The following RAB4A variants were observed in gnomAD, a reference collection of about 807,000 sequenced individuals.
The protein encoded by RAB4A is RAB4A, member RAS oncogene family, also known as ras-related protein Rab-4A.
RAB4A carries 20 observed loss-of-function variants against 34.5 expected under a neutral mutation model. That is an observed-to-expected ratio of 0.58 (90% CI 0.41 to 0.84). The LOEUF is 0.84. Among genes scored for constraint, RAB4A ranks in the 40% least tolerant of loss-of-function variants. RAB4A has a pLI of 0.00. For missense variants in RAB4A, 228 were observed against 274.5 expected, an observed-to-expected ratio of 0.83 and a Z score of 1.20; for synonymous variants, 102 against 100.0, an observed-to-expected ratio of 1.02 and a Z score of -0.12.
At chr1:229,288,178 T>G (rs937260031) in intron 2 of RAB4A, among the ~76,000 whole-genome samples, 2 of 152,186 alleles carry the variant, frequency 1.3e-5, no homozygotes, top group African/African-American at 2.4e-5. Context: ...TTTTGGGGTT[T>G]TTTGGAGGGT....
At chr1:229,281,865 A>T (rs927135109) in intron 1 of RAB4A, among the ~76,000 whole-genome samples, 1 of 145,956 alleles carries the variant, frequency 6.9e-6, no homozygotes, top group Non-Finnish European at 1.5e-5. Flanking sequence ...TACTGTTGTC[A>T]TCTTTTTATC....
At position 229,271,318 on chromosome 1, in the gene RAB4A, G is replaced by A. The variant is rs1189409617; in HGVS notation, c.-22G>A. The A allele has an allele frequency of 3.8e-6, 5 of 1,327,692 alleles. No homozygotes were observed. The Admixed American group carries it at 1.3e-4, about 35-fold the overall frequency. 82.2% of individuals were successfully genotyped at this position (1,327,692 alleles called of 1,614,324 possible). On this transcript the variant is annotated 5_prime_UTR_variant, in exon 1 of 8. Transcript: ENST00000366690. ...GGGCGAGTGCAGCCGGTGACCCGGC[G>A]AGAGGCGGCGCCGCTCCCAAGATGT...
intron 4 of RAB4A, among the ~76,000 whole-genome samples, 188 bp from the exon 5 acceptor site, chr1:229,297,294 A>G (rs886515417): frequency 3.3e-5 from 5 of 152,248 alleles, no homozygotes; most frequent in African/African-American, 4.8e-5. Context: ...TCATTTTACC[A>G]GAAACAAAAT....
In RAB4A at chr1:229,298,753, G is replaced by A. The variant is rs181053310; in HGVS notation, c.446-224G>A. Among the ~76,000 whole-genome samples the A allele has an allele frequency of 2.6e-5, 4 of 152,322 alleles. No homozygotes were observed. The East Asian group carries it at 7.7e-4, about 29-fold the overall frequency. On this transcript the variant is annotated intron_variant, in intron 5 of 7. Transcript: ENST00000366690. ...GCTCAGCCCCTTCACCAGGTTAAGT[G>A]CTAGCACAAGATAGCAGTTACTTTT...
At chr1:229,294,194 A>C (rs1657174508) in intron 3 of RAB4A, among the ~76,000 whole-genome samples, 3 of 152,206 alleles carry the variant, frequency 2.0e-5, no homozygotes, top group Admixed American at 2.0e-4. Context: ...TAAGTTTGAC[A>C]TGTTTATCAG....
chr1:229,299,220 A>G (rs555129461), intron 6 of RAB4A, 148 bp downstream of exon 6: 2 of 609,186 alleles, frequency 3.3e-6, no homozygotes, highest in South Asian at 2.4e-5. Flanking sequence ...TATGGGTTCA[A>G]AGGTCCTGTT....
At chr1:229,288,648 G>GGTTTTAGTGTCACTTGTTTAAATC (rs1231493648) in intron 2 of RAB4A, 81 bp from the exon 3 acceptor site, 2 of 713,244 alleles carry the variant, frequency 2.8e-6, no homozygotes, top group African/African-American at 3.6e-5. Flanking sequence ...TGTAACTCTT[G>GGTTTTAGTGTCACTTGTTTAAATC]GTTTTAGTGT....
Position 229,302,844 on chromosome 1 carries a change from G to A in RAB4A, c.542-18G>A. On this transcript the variant is annotated intron_variant, in intron 6 of 7. Transcript: ENST00000366690. ...AACATAAAAGCCTTTTTTAAAAGAA[G>A]ACTTGCTTGGTCCTTAGGTGAGCTG... The A allele has an allele frequency of 6.5e-7, 1 of 1,529,700 alleles. No individual in the cohort carries two copies. 94.8% of individuals were successfully genotyped at this position (1,529,700 alleles called of 1,614,324 possible).
chr1:229,284,407 G>A (rs237759), intron 1 of RAB4A, among the ~76,000 whole-genome samples: 1 of 151,892 alleles, frequency 6.6e-6, no homozygotes, highest in East Asian at 1.9e-4. Flanking sequence ...CCTTTTCTAG[G>A]GTTTTTAGTT....
intron 1 of RAB4A, among the ~76,000 whole-genome samples, chr1:229,281,816 TTATATATATATA>T (rs61184911): frequency 4.8e-4 from 67 of 140,378 alleles, no homozygotes; most frequent in South Asian, 3.0e-3. Context: ...CTTATCATAG[TTATATATATATA>T]TATATATATA....
At chr1:229,299,120 G>A in intron 6 of RAB4A, 48 bp downstream of exon 6, 1 of 1,243,070 alleles carries the variant, frequency 8.0e-7, no homozygotes, top group Non-Finnish European at 1.2e-6. Flanking sequence ...ATTTTACACT[G>A]TAGCTCAGTA....
At chr1:229,302,796 TA>T in intron 6 of RAB4A, 65 bp from the exon 7 acceptor site, 8 of 1,149,368 alleles carry the variant, frequency 7.0e-6, no homozygotes, top group African/African-American at 3.1e-5. Flanking sequence ...TTTTTTTTTT[TA>T]ATCTATTTTT....
chr1:229,287,452 A>T (rs1656952581), intron 2 of RAB4A, among the ~76,000 whole-genome samples: 1 of 152,228 alleles, frequency 6.6e-6, no homozygotes, highest in South Asian at 2.1e-4. Context: ...ACAAGTATTC[A>T]TTCACTGGAT....
At chr1:229,280,648 A>T (rs1656757281) in intron 1 of RAB4A, among the ~76,000 whole-genome samples, 1 of 152,092 alleles carries the variant, frequency 6.6e-6, no homozygotes, top group Non-Finnish European at 1.5e-5. Flanking sequence ...CCTTTTTCCT[A>T]GTTTTCTCCA....
Position 229,273,605 on chromosome 1 carries a change from G to A in RAB4A, c.31+2235G>A, listed in dbSNP as rs557349399. 5.7e-4 allele frequency among the ~76,000 whole-genome samples: 87 copies of A among 152,266 alleles called. No individual in the cohort carries two copies. The South Asian group carries it at 8.7e-3, about 15-fold the overall frequency. On this transcript the variant is annotated intron_variant, in intron 1 of 7. Coordinates refer to ENST00000366690, the MANE Select transcript of RAB4A (RefSeq NM_004578.4). ...AAATACAAAAAATTACCTGGGCATGGTGGTACGCTTGTAGTCCCGGCTACT... is the reference window on the plus strand; with the variant it reads ...AAATACAAAAAATTACCTGGGCATGATGGTACGCTTGTAGTCCCGGCTACT...
rs548098509 is a variant in RAB4A, at chr1:229,303,290, C to T, written c.*12+301C>T. 7.3e-5 allele frequency among the ~76,000 whole-genome samples: 11 copies of T among 150,564 alleles called. No individual in the cohort carries two copies. The South Asian group carries it at 2.1e-3, about 29-fold the overall frequency. ...AGGAGAATTGCTTGAGCCTGGGAGG[C>T]GGAGGTTGCAGTAAGCCAAGATCAT... On this transcript the variant is annotated intron_variant, in intron 7 of 7. Transcript: ENST00000366690.
At chr1:229,279,761 A>G (rs1427699390) in intron 1 of RAB4A, among the ~76,000 whole-genome samples, 1 of 152,160 alleles carries the variant, frequency 6.6e-6, no homozygotes, top group African/African-American at 2.4e-5. Context: ...TATCTGTTTT[A>G]GATTTTCTGT....
intron 1 of RAB4A, among the ~76,000 whole-genome samples, chr1:229,274,153 A>G (rs1431995862): frequency 6.8e-6 from 1 of 148,012 alleles, no homozygotes. Flanking sequence ...CCCCATCTCA[A>G]GTGATCCTCC....
intron 6 of RAB4A, among the ~76,000 whole-genome samples, chr1:229,300,264 G>C (rs1657346313): frequency 6.6e-6 from 1 of 152,226 alleles, no homozygotes; most frequent in African/African-American, 2.4e-5. Context: ...GTTGTCAGCA[G>C]GTGGGTGATG....
Sources: gnomAD v4.1 joint callset for allele counts (sites outside exome capture counted in the v4.1 genomes callset) on GRCh38, gnomAD v4.1.1 for gene constraint, MANE v1.5 for transcripts, NCBI Gene and HGNC (gene_info 2026-07-23, HGNC 2026-07-21) for gene names.